SVEP1: variants seen among roughly 807,000 people sequenced by gnomAD.
SVEP1 encodes the protein sushi, von Willebrand factor type A, EGF and pentraxin domain-containing protein 1.
A neutral mutation model predicts 367.3 loss-of-function variants in SVEP1; 164 were observed. That is an observed-to-expected ratio of 0.45 (90% confidence interval 0.39 to 0.51). The LOEUF is 0.51. SVEP1 is among the 20% of genes least tolerant of loss of function. The pLI is 0.00. For synonymous variants in SVEP1, 1,666 were observed against 1,611.6 expected, an observed-to-expected ratio of 1.03 and a Z score of -0.81; for missense variants, 4,117 against 4,425.3, an observed-to-expected ratio of 0.93 and a Z score of 1.98.
At chr9:110,376,699 A>T (rs1266414565) in intron 45 of SVEP1, 1 of 152,254 alleles carries the variant, frequency 6.6e-6, no homozygotes, top group Non-Finnish European at 1.5e-5. Context: ...AATAAAGTGT[A>T]GTTGAGATAT....
At chr9:110,386,714 CAT>C (rs1827529413) in intron 42 of SVEP1, among the ~76,000 whole-genome samples, 2 of 152,224 alleles carry the variant, frequency 1.3e-5, no homozygotes, top group South Asian at 2.1e-4. Flanking sequence ...CATGTCAACA[CAT>C]ATTTCAAGCA....
chr9:110,472,238 G>T lies in SVEP1; in HGVS notation c.2685C>A (p.Ile895=). 1.9e-6 allele frequency: 3 copies of T among 1,613,544 alleles called. No homozygotes were observed. The highest frequency in any genetic ancestry group is 2.7e-5 in the African/African-American group (2 of 75,026). Residue 895 remains isoleucine, a synonymous_variant, in exon 15 of 48, where the codon ATC becomes ATA. Transcript: ENST00000374469. Reference sequence around the variant, plus strand: ...TAATCCGTGAGGACTTGGCATTGCCGATGCTTGTGGCTGTTTCTTGCACAG... The same window carrying T: ...TAATCCGTGAGGACTTGGCATTGCCTATGCTTGTGGCTGTTTCTTGCACAG... The part of the protein sequence containing the change: ...LDTVQETATS[I]GNAKSSRIKR...
chr9:110,426,511 T>C (rs1828254933), intron 36 of SVEP1, among the ~76,000 whole-genome samples: 1 of 152,184 alleles, frequency 6.6e-6, no homozygotes. Context: ...CCACAGTTAG[T>C]GAACAACAGA....
intron 30 of SVEP1, among the ~76,000 whole-genome samples, chr9:110,433,518 G>A (rs964800997): frequency 2.0e-5 from 3 of 146,600 alleles, no homozygotes; most frequent in African/African-American, 5.0e-5. Context: ...ACCTAAGCTG[G>A]AGTGCAGTGG....
At chr9:110,459,275 G>A (rs957466978) in intron 18 of SVEP1, among the ~76,000 whole-genome samples, 162 bp from the exon 19 acceptor site, 7 of 152,078 alleles carry the variant, frequency 4.6e-5, no homozygotes, top group Non-Finnish European at 8.8e-5. Flanking sequence ...TAAATGTTTT[G>A]TTGGGTCTCC....
intron 28 of SVEP1, 109 bp downstream of exon 28, chr9:110,436,271 T>A: frequency 7.2e-7 from 1 of 1,384,410 alleles, no homozygotes; most frequent in Non-Finnish European, 9.7e-7. Context: ...TGATAAATTC[T>A]GATAACCAAG....
chr9:110,448,799 G>A (rs1197944921), intron 24 of SVEP1, among the ~76,000 whole-genome samples: 1 of 152,192 alleles, frequency 6.6e-6, no homozygotes, highest in African/African-American at 2.4e-5. Context: ...GCCAGAAAAT[G>A]TCAAACACCC....
intron 2 of SVEP1, among the ~76,000 whole-genome samples, chr9:110,547,518 C>T (rs974211037): frequency 6.6e-6 from 1 of 151,976 alleles, no homozygotes; most frequent in Non-Finnish European, 1.5e-5. Context: ...GAGGCTGCAG[C>T]GAGGTGTGAT....
At chr9:110,470,777 T>C (rs1221947462) in intron 16 of SVEP1, among the ~76,000 whole-genome samples, 2 of 148,582 alleles carry the variant, frequency 1.3e-5, no homozygotes, top group Non-Finnish European at 3.0e-5. Flanking sequence ...GAAAAATAAA[T>C]ATATATATAT....
chr9:110,384,992 T>G (rs1827498940), intron 43 of SVEP1, among the ~76,000 whole-genome samples: 2 of 152,136 alleles, frequency 1.3e-5, no homozygotes, highest in Admixed American at 1.3e-4. Flanking sequence ...TTTATTTAGT[T>G]TTTGAGATGT....
At chr9:110,542,877 A>C (rs948492805) in intron 3 of SVEP1, among the ~76,000 whole-genome samples, 1 of 151,578 alleles carries the variant, frequency 6.6e-6, no homozygotes, top group African/African-American at 2.4e-5. Flanking sequence ...TGACGAGTTA[A>C]TGGGTGCAGC....
intron 5 of SVEP1, among the ~76,000 whole-genome samples, chr9:110,509,510 GA>G (rs1475005321): frequency 3.9e-5 from 6 of 152,288 alleles, no homozygotes; most frequent in African/African-American, 1.4e-4. Context: ...ACATAAAAGA[GA>G]ACAAGCATGC....
Position 110,479,750 on chromosome 9 carries a change from C to T in SVEP1, c.2372G>A (p.Arg791His), listed in dbSNP as rs751874490. The T allele has an allele frequency of 1.6e-5, 25 of 1,600,428 alleles. No individual in the cohort carries two copies. Among genetic ancestry groups the T allele is most frequent in the African/African-American group, 5.4e-5 (4 of 74,114 alleles). Residue 791 changes from arginine to histidine, a missense_variant, in exon 13 of 48, where the codon CGT (arginine) becomes CAT (histidine). Around this residue, in one of 4 missense-constraint regions of SVEP1, gnomAD observed 2,174 missense variants for 2,494.3 expected, o/e 0.87. Coordinates refer to ENST00000374469, the MANE Select transcript of SVEP1 (RefSeq NM_153366.4). ...GGACTTGAACCCGTGGTTTGCAAAA[C>T]GTTTTTCTAGAAAATGTTGGACAAA... ...TTEWPDCAKKRFANHGFKSFE... is the reference protein window; with the variant it reads ...TTEWPDCAKKHFANHGFKSFE...
chr9:110,396,173 T>A (rs1274595566), intron 40 of SVEP1, among the ~76,000 whole-genome samples: 4 of 152,074 alleles, frequency 2.6e-5, no homozygotes, highest in African/African-American at 7.2e-5. Flanking sequence ...GCAATCAAAC[T>A]AGAACTCAGT....
chr9:110,427,623 GA>G lies in SVEP1; in HGVS notation c.5942del (p.Phe1981SerfsTer73). ...TGCAAGTGTAAGTGACGGTGTTCCT[GA>G]AAGTGAAGTTATTCCCCGTAATGAC... ...DAVITGNNFT[F>X]RNTVTYTCKE... On this transcript the variant is annotated frameshift_variant, in exon 36 of 48. Transcript: ENST00000374469. LOFTEE classifies it high-confidence loss of function. 6.2e-7 allele frequency: 1 copy of G among 1,613,822 alleles called. No homozygotes were observed. The highest frequency in any genetic ancestry group is 1.1e-5 in the South Asian group (1 of 91,058).
intron 1 of SVEP1, among the ~76,000 whole-genome samples, chr9:110,553,098 C>T (rs1830311968): frequency 6.6e-6 from 1 of 152,158 alleles, no homozygotes; most frequent in African/African-American, 2.4e-5. Flanking sequence ...CCAACAAAGA[C>T]CATCATGACT....
intron 40 of SVEP1, among the ~76,000 whole-genome samples, chr9:110,400,230 G>C (rs575760109): frequency 6.6e-6 from 1 of 152,292 alleles, no homozygotes; most frequent in South Asian, 2.1e-4. Flanking sequence ...GGACTTCCCT[G>C]TTGCAGAATA....
At chr9:110,522,277 C>T (rs796724692) in intron 3 of SVEP1, among the ~76,000 whole-genome samples, 13 of 152,072 alleles carry the variant, frequency 8.5e-5, no homozygotes, top group Admixed American at 8.5e-4. Context: ...ATTTGAGAGC[C>T]TTCTGGGAGA....
At chr9:110,487,465 T>C (rs958669744) in intron 9 of SVEP1, among the ~76,000 whole-genome samples, 3 of 152,196 alleles carry the variant, frequency 2.0e-5, no homozygotes, top group African/African-American at 7.2e-5. Context: ...AAAACAACAC[T>C]GAAAAAGGAA....
Sources: gnomAD v4.1 joint callset for allele counts (sites outside exome capture counted in the v4.1 genomes callset) on GRCh38, gnomAD v4.1.1 for gene constraint, gnomAD v4.1.1 regional missense constraint, MANE v1.5 for transcripts, NCBI Gene and HGNC (gene_info 2026-07-23, HGNC 2026-07-21) for gene names.